RBFOX1: variants seen among roughly 807,000 people sequenced by gnomAD.
RBFOX1 encodes RNA binding protein fox-1 homolog 1.
A neutral mutation model predicts 57.7 loss-of-function variants in RBFOX1; 8 were observed. That is an observed-to-expected ratio of 0.14 (90% CI 0.08 to 0.25). RBFOX1 has a LOEUF of 0.25. RBFOX1 is among the 10% of genes least tolerant of loss of function. The pLI is 1.00. For missense variants in RBFOX1, 611 were observed against 548.5 expected (o/e 1.11, Z -1.14); for synonymous variants, 326 against 222.4 (o/e 1.47, Z -4.15).
At chr16:6,870,929 C>A (rs189041962) in intron 3 of RBFOX1, among the ~76,000 whole-genome samples, 4 of 152,132 alleles carry the variant, frequency 2.6e-5, no homozygotes, top group African/African-American at 9.7e-5. Context: ...AGACTTTTTC[C>A]ATTTCTATCC....
At chr16:7,105,598 G>T (rs1443374412) in intron 4 of RBFOX1, among the ~76,000 whole-genome samples, 1 of 152,020 alleles carries the variant, frequency 6.6e-6, no homozygotes, top group Non-Finnish European at 1.5e-5. Context: ...GCATTCCTGA[G>T]TTAGTCTGCA....
At chr16:7,037,460 A>T (rs1382952812) in intron 3 of RBFOX1, among the ~76,000 whole-genome samples, 1 of 152,028 alleles carries the variant, frequency 6.6e-6, no homozygotes, top group Non-Finnish European at 1.5e-5. Flanking sequence ...TCTGGTTCAT[A>T]AACCTCTGAC....
intron 3 of RBFOX1, among the ~76,000 whole-genome samples, chr16:5,620,096 G>C (rs186537350): frequency 1.3e-3 from 202 of 152,158 alleles, no homozygotes; most frequent in Middle Eastern, 6.8e-3. Flanking sequence ...TACTTTCCTA[G>C]TTCAGCAGAA....
chr16:5,398,189 G>A (rs752709527), intron 1 of RBFOX1, among the ~76,000 whole-genome samples: 1 of 152,164 alleles, frequency 6.6e-6, no homozygotes, highest in South Asian at 2.1e-4. Context: ...GTGTGTGCCC[G>A]TGTGTATATG....
intron 3 of RBFOX1, among the ~76,000 whole-genome samples, chr16:5,830,876 G>C (rs966089358): frequency 2.6e-5 from 4 of 152,166 alleles, no homozygotes; most frequent in Non-Finnish European, 5.9e-5. Flanking sequence ...TGCATAGAAT[G>C]ATTGGCTTTT....
chr16:6,906,321 T>A (rs2069922740), intron 3 of RBFOX1, among the ~76,000 whole-genome samples: 1 of 152,018 alleles, frequency 6.6e-6, no homozygotes, highest in Admixed American at 6.6e-5. Flanking sequence ...AAAATTGTAT[T>A]CAATTGTGTC....
At chr16:5,328,696 C>A (rs1404149993) in intron 1 of RBFOX1, among the ~76,000 whole-genome samples, 1 of 152,230 alleles carries the variant, frequency 6.6e-6, no homozygotes, top group Non-Finnish European at 1.5e-5. Flanking sequence ...CAGCCTCCTG[C>A]GGAGCTGCCA....
chr16:7,486,758 T>A (rs921150716), intron 4 of RBFOX1, among the ~76,000 whole-genome samples: 1 of 152,154 alleles, frequency 6.6e-6, no homozygotes, highest in South Asian at 2.1e-4. Flanking sequence ...TAGACAGAGA[T>A]CCAGGCCGTT....
chr16:5,373,958 C>A (rs2065922481), intron 1 of RBFOX1, among the ~76,000 whole-genome samples: 1 of 152,230 alleles, frequency 6.6e-6, no homozygotes, highest in South Asian at 2.1e-4. Context: ...ACTCTTGTCA[C>A]CCAGGCCAGA....
chr16:6,171,607 A>G (rs1202324989), intron 1 of RBFOX1, among the ~76,000 whole-genome samples: 2 of 152,112 alleles, frequency 1.3e-5, no homozygotes, highest in African/African-American at 2.4e-5. Context: ...GAGGGTTAAA[A>G]AGCATACCTG....
chr16:6,149,771 C>A lies in RBFOX1; in HGVS notation c.-127+129779C>A, dbSNP rs1597804375. Among the ~76,000 whole-genome samples, 4 of 152,190 alleles carry A rather than the reference C, an allele frequency of 2.6e-5. No homozygotes were observed. The South Asian group carries it at 8.3e-4, about 32-fold the overall frequency. On this transcript the variant is annotated intron_variant, in intron 1 of 15. Coordinates refer to ENST00000550418, the MANE Select transcript of RBFOX1 (RefSeq NM_018723.4). ...GGAGAAAGATAGTCGATTCTCTTAC[C>A]TGCACTTTAGCAATGTTGGGAGGAT...
chr16:5,272,117 G>A (rs2063026255), intron 1 of RBFOX1, among the ~76,000 whole-genome samples: 1 of 152,204 alleles, frequency 6.6e-6, no homozygotes, highest in South Asian at 2.1e-4. Context: ...TCTGTACCCA[G>A]AAGTTGGGTT....
At chr16:7,113,517 C>G (rs774590077) in intron 4 of RBFOX1, among the ~76,000 whole-genome samples, 1 of 152,088 alleles carries the variant, frequency 6.6e-6, no homozygotes, top group Non-Finnish European at 1.5e-5. Flanking sequence ...TGATATTTGA[C>G]TACTTAGATG....
At chr16:7,448,340 T>G (rs1567217032) in intron 4 of RBFOX1, among the ~76,000 whole-genome samples, 1 of 152,140 alleles carries the variant, frequency 6.6e-6, no homozygotes, top group Non-Finnish European at 1.5e-5. Flanking sequence ...CTGGAAAATT[T>G]ACAAAGAAAA....
chr16:7,706,742 T>C (rs2082577529), intron 14 of RBFOX1, among the ~76,000 whole-genome samples: 1 of 152,154 alleles, frequency 6.6e-6, no homozygotes, highest in South Asian at 2.1e-4. Context: ...AATAACCCTA[T>C]TAACAGATTT....
At chr16:6,767,960 AAG>A (rs1352754660) in intron 3 of RBFOX1, among the ~76,000 whole-genome samples, 18 of 114,606 alleles carry the variant, frequency 1.6e-4, no homozygotes, top group Admixed American at 9.7e-4. Context: ...GAAGAAGAAG[AAG>A]AAGAAGAAGA....
intron 14 of RBFOX1, among the ~76,000 whole-genome samples, chr16:7,686,163 G>C (rs538006304): frequency 3.3e-5 from 5 of 151,852 alleles, no homozygotes; most frequent in African/African-American, 1.2e-4. Context: ...TGAACTGTGG[G>C]ATTATCGTGT....
At chr16:5,518,388 T>C (rs575232387) in intron 2 of RBFOX1, among the ~76,000 whole-genome samples, 1 of 152,292 alleles carries the variant, frequency 6.6e-6, no homozygotes, top group South Asian at 2.1e-4. Flanking sequence ...CCTTCATCAC[T>C]GATGTGTCAA....
At chr16:7,354,049 G>A (rs1248970357) in intron 4 of RBFOX1, among the ~76,000 whole-genome samples, 3 of 152,122 alleles carry the variant, frequency 2.0e-5, no homozygotes, top group African/African-American at 7.2e-5. Flanking sequence ...TGGGCTCGCT[G>A]CAACCTCTAC....
Sources: gnomAD v4.1 joint callset for allele counts (sites outside exome capture counted in the v4.1 genomes callset) on GRCh38, gnomAD v4.1.1 for gene constraint, MANE v1.5 for transcripts, NCBI Gene and HGNC (gene_info 2026-07-23, HGNC 2026-07-21) for gene names.